C8orf34: variants seen among roughly 807,000 people sequenced by gnomAD.
The protein encoded by C8orf34 is uncharacterized protein C8orf34.
Under a neutral mutation model 68.3 loss-of-function variants are expected in C8orf34, and 65 were observed. The ratio of observed to expected loss-of-function variants is 0.95; its 90% CI spans 0.78 to 1.17. C8orf34 has a LOEUF of 1.17. Ranked by LOEUF, C8orf34 falls within the 50% of genes most tolerant of loss-of-function variation. The pLI, the probability that C8orf34 is intolerant of heterozygous loss-of-function variation, is 0.00. For synonymous variants in C8orf34, 244 were observed against 241.2 expected (o/e 1.01, Z -0.11); for missense variants, 664 against 655.4 (o/e 1.01, Z -0.14).
rs1417282972 is a variant in C8orf34, at chr8:68,366,479, A to G, written c.327+35140A>G. On this transcript the variant is annotated intron_variant, in intron 1 of 13. Transcript: ENST00000518698. ...AAAAGAACAAAGCTGGAGGCATCAC[A>G]CTACCTGACTTCAAACTTTACTACA... Among the ~76,000 whole-genome samples, 5 of 145,862 alleles carry G rather than the reference A, an allele frequency of 3.4e-5. No homozygotes were observed. In the South Asian group the frequency reaches 8.8e-4, roughly 26 times the overall value.
chr8:68,334,363 A>G (rs1324525277), intron 1 of C8orf34, among the ~76,000 whole-genome samples: 2 of 151,902 alleles, frequency 1.3e-5, no homozygotes, highest in Admixed American at 6.6e-5. Context: ...GATGAAAAAT[A>G]CATTTCACAA....
chr8:68,627,080 C>T (rs1356843164), intron 7 of C8orf34, among the ~76,000 whole-genome samples: 1 of 152,054 alleles, frequency 6.6e-6, no homozygotes, highest in Admixed American at 6.6e-5. Context: ...AAAAAAATTA[C>T]ACATTTTTAC....
chr8:68,590,550 C>T (rs1031368557), intron 7 of C8orf34, among the ~76,000 whole-genome samples: 2 of 151,970 alleles, frequency 1.3e-5, no homozygotes, highest in African/African-American at 2.4e-5. Context: ...AGTGGGTAGA[C>T]GAAAGAGTCC....
intron 7 of C8orf34, among the ~76,000 whole-genome samples, chr8:68,546,833 C>G (rs1013258451): frequency 1.3e-5 from 2 of 151,420 alleles, no homozygotes; most frequent in African/African-American, 2.4e-5. Flanking sequence ...GTTTTAATAA[C>G]AAATGGGTCA....
intron 8 of C8orf34, among the ~76,000 whole-genome samples, chr8:68,659,461 T>C (rs75039860): frequency 0.14 from 20,992 of 152,130 alleles, 2,245 homozygotes; most frequent in East Asian, 0.55. Context: ...ATAAGACTGT[T>C]TTTTCTTGAA....
chr8:68,453,953 A>C (rs1198970656), intron 3 of C8orf34, among the ~76,000 whole-genome samples: 2 of 152,114 alleles, frequency 1.3e-5, no homozygotes, highest in Non-Finnish European at 1.5e-5. Flanking sequence ...GTTCTCTTCT[A>C]TTCCTAGTTT....
chr8:68,590,797 C>G (rs1235903652), intron 7 of C8orf34, among the ~76,000 whole-genome samples: 1 of 152,138 alleles, frequency 6.6e-6, no homozygotes, highest in African/African-American at 2.4e-5. Flanking sequence ...AGGCAAGTGT[C>G]TACTGAGAAC....
chr8:68,397,215 G>T (rs1464216247), intron 1 of C8orf34, among the ~76,000 whole-genome samples: 1 of 151,886 alleles, frequency 6.6e-6, no homozygotes, highest in Non-Finnish European at 1.5e-5. Flanking sequence ...TGTTGGCCAG[G>T]CTGGTCTCAA....
At chr8:68,509,085 C>A (rs6982414) in intron 5 of C8orf34, among the ~76,000 whole-genome samples, 28,432 of 151,996 alleles carry the variant, frequency 0.19, 3,515 homozygotes, top group African/African-American at 0.36. Flanking sequence ...CTCATTCCCC[C>A]CTCTAAAGAA....
chr8:68,367,928 A>AAAAAAAAAAAAAAAAAAAAAAAAT (rs1807375775), intron 1 of C8orf34, among the ~76,000 whole-genome samples: 1 of 148,948 alleles, frequency 6.7e-6, no homozygotes, highest in Non-Finnish European at 1.5e-5. Flanking sequence ...AAAAAAAAAA[A>AAAAAAAAAAAAAAAAAAAAAAAAT]AAAAAAAAAG....
In C8orf34 at chr8:68,818,635, AT is replaced by A. The variant is rs1563687221; in HGVS notation, c.*395del. On this transcript the variant is annotated 3_prime_UTR_variant, in exon 14 of 14. Coordinates refer to ENST00000518698, the MANE Select transcript of C8orf34 (RefSeq NM_052958.4). ...TCTTCTATTTTTATAATATTTTCTCATTTTTTAGATTACTAAACATTCTACT... is the reference window on the plus strand; with the variant it reads ...TCTTCTATTTTTATAATATTTTCTCATTTTTAGATTACTAAACATTCTACT... 1 of 162,914 alleles carries A rather than the reference AT, an allele frequency of 6.1e-6. No individual in the cohort carries two copies. Among genetic ancestry groups the A allele is most frequent in the Non-Finnish European group, 1.3e-5 (1 of 75,148 alleles). 10.1% of individuals were successfully genotyped at this position (162,914 alleles called of 1,614,324 possible). A position where few individuals can be genotyped will look rare whatever the true frequency, so the allele number is the denominator to read the frequency against.
chr8:68,679,916 T>C (rs1376750025), intron 8 of C8orf34, among the ~76,000 whole-genome samples: 1 of 152,158 alleles, frequency 6.6e-6, no homozygotes, highest in African/African-American at 2.4e-5. Context: ...TCTTGCCATA[T>C]ACAAAAATCA....
At chr8:68,791,129 C>G in intron 12 of C8orf34, 1 of 448,536 alleles carries the variant, frequency 2.2e-6, no homozygotes, top group Non-Finnish European at 3.9e-6. Flanking sequence ...CTATAAAGAA[C>G]TGCCTGAGAC....
At chr8:68,672,593 A>T (rs966821616) in intron 8 of C8orf34, among the ~76,000 whole-genome samples, 3 of 152,188 alleles carry the variant, frequency 2.0e-5, no homozygotes, top group African/African-American at 7.2e-5. Flanking sequence ...CTAGAGGGAA[A>T]TCACTCATAC....
chr8:68,767,902 T>C (rs1450593319), intron 10 of C8orf34, among the ~76,000 whole-genome samples: 1 of 152,242 alleles, frequency 6.6e-6, no homozygotes, highest in Non-Finnish European at 1.5e-5. Flanking sequence ...TATTCTATCC[T>C]ATCATTTATT....
At chr8:68,667,713 T>G (rs1819882741) in intron 8 of C8orf34, among the ~76,000 whole-genome samples, 2 of 152,338 alleles carry the variant, frequency 1.3e-5, no homozygotes, top group South Asian at 4.1e-4. Flanking sequence ...CAAGGCATTT[T>G]ACACCAATAT....
intron 7 of C8orf34, among the ~76,000 whole-genome samples, chr8:68,551,665 C>G (rs1342335862): frequency 6.6e-6 from 1 of 151,990 alleles, no homozygotes; most frequent in African/African-American, 2.4e-5. Flanking sequence ...ATGCCTTTAG[C>G]AATGTGTAAG....
chr8:68,601,513 A>G (rs1433647503), intron 7 of C8orf34, among the ~76,000 whole-genome samples: 3 of 151,994 alleles, frequency 2.0e-5, no homozygotes, highest in South Asian at 2.1e-4. Context: ...TGTTGAATCC[A>G]TCCTGTAAGT....
intron 1 of C8orf34, among the ~76,000 whole-genome samples, chr8:68,422,685 G>T (rs561040139): frequency 9.9e-5 from 15 of 152,284 alleles, no homozygotes; most frequent in Admixed American, 2.0e-4. Flanking sequence ...GTGCCCCAAT[G>T]GGGACTTTGC....
Sources: allele counts gnomAD v4.1 joint callset (sites outside exome capture counted in the v4.1 genomes callset), GRCh38; gene constraint gnomAD v4.1.1; transcripts MANE v1.5; gene names NCBI Gene and HGNC (gene_info 2026-07-23, HGNC 2026-07-21).